The following CALN1 variants were observed in gnomAD, a reference collection of about 807,000 sequenced individuals.
CALN1 encodes calcium-binding protein 8.
Under a neutral mutation model 30.6 loss-of-function variants are expected in CALN1, and 17 were observed. The observed-to-expected ratio is 0.56, with a 90% CI of 0.38 to 0.83. CALN1 has a LOEUF of 0.83. Among genes scored for constraint, CALN1 ranks in the 40% least tolerant of loss-of-function variants. The pLI, the probability that CALN1 is intolerant of heterozygous loss-of-function variation, is 0.00. For synonymous variants in CALN1, 156 were observed against 131.4 expected (o/e 1.19, Z -1.28); for missense variants, 291 against 354.9 (o/e 0.82, Z 1.45).
At chr7:72,127,780 T>C (rs1330295913) in intron 3 of CALN1, among the ~76,000 whole-genome samples, 9 of 152,126 alleles carry the variant, frequency 5.9e-5, no homozygotes, top group South Asian at 2.1e-4. Context: ...ATTGGTACAA[T>C]TGAACAGTAA....
At chr7:72,016,998 CAAAAAAAA>C (rs754201004) in intron 5 of CALN1, among the ~76,000 whole-genome samples, 3 of 31,962 alleles carry the variant, frequency 9.4e-5, no homozygotes, top group African/African-American at 4.5e-4. Flanking sequence ...ACTAAAAATA[CAAAAAAAA>C]AAAAAAAAAA....
At chr7:71,948,821 T>G (rs1383122984) in intron 5 of CALN1, among the ~76,000 whole-genome samples, 3 of 151,568 alleles carry the variant, frequency 2.0e-5, no homozygotes, top group African/African-American at 7.3e-5. Flanking sequence ...ATGGGATGAC[T>G]GCTTGAACCC....
chr7:72,140,432 C>A (rs1299822893), intron 3 of CALN1, among the ~76,000 whole-genome samples: 6 of 151,870 alleles, frequency 4.0e-5, no homozygotes, highest in Non-Finnish European at 8.8e-5. Context: ...AGAGTCCCAC[C>A]TCCTTCTGCT....
the CALN1 span, among the ~76,000 whole-genome samples, chr7:72,481,713 C>T: frequency 2.0e-5 from 3 of 152,080 alleles, no homozygotes; most frequent in Non-Finnish European, 2.9e-5. Flanking sequence ...TTCTTTAACC[C>T]GTGGGTTTTT....
At chr7:71,937,041 T>C (rs1417085331) in intron 5 of CALN1, among the ~76,000 whole-genome samples, 1 of 152,208 alleles carries the variant, frequency 6.6e-6, no homozygotes, top group Non-Finnish European at 1.5e-5. Flanking sequence ...CAGTCTCAGG[T>C]ATGTCTGTAT....
chr7:71,828,571 G>A (rs1562816927), intron 5 of CALN1, among the ~76,000 whole-genome samples: 1 of 151,846 alleles, frequency 6.6e-6, no homozygotes, highest in Non-Finnish European at 1.5e-5. Context: ...GCAACCATCT[G>A]TCTCTCATCT....
At chr7:71,825,668 C>T (rs1051256997) in intron 5 of CALN1, among the ~76,000 whole-genome samples, 1 of 151,958 alleles carries the variant, frequency 6.6e-6, no homozygotes, top group Admixed American at 6.6e-5. Flanking sequence ...GACAAGACTG[C>T]TTGGGAAGAT....
At chr7:72,244,039 A>T (rs1210813937) in intron 3 of CALN1, among the ~76,000 whole-genome samples, 2 of 152,182 alleles carry the variant, frequency 1.3e-5, no homozygotes, top group Non-Finnish European at 2.9e-5. Context: ...TGGAATGAGG[A>T]CTTTTCTGAA....
At chr7:71,874,097 A>G (rs917028340) in intron 5 of CALN1, among the ~76,000 whole-genome samples, 18 of 152,022 alleles carry the variant, frequency 1.2e-4, no homozygotes, top group African/African-American at 4.3e-4. Flanking sequence ...CAACATGGTG[A>G]CATCCCATCT....
chr7:72,344,082 T>G (rs150401804), intron 2 of CALN1, among the ~76,000 whole-genome samples: 3 of 152,254 alleles, frequency 2.0e-5, no homozygotes, highest in African/African-American at 7.2e-5. Context: ...TCTCACTCTG[T>G]TATCCAGGCT....
chr7:72,123,826 T>C (rs1808560319), intron 3 of CALN1, among the ~76,000 whole-genome samples: 1 of 152,198 alleles, frequency 6.6e-6, no homozygotes, highest in Non-Finnish European at 1.5e-5. Context: ...TGCTTAAAAT[T>C]GCCGACTCTC....
chr7:72,499,597 A>G, the CALN1 span, among the ~76,000 whole-genome samples: 1 of 152,084 alleles, frequency 6.6e-6, no homozygotes, highest in East Asian at 1.9e-4. Flanking sequence ...TCACATGCAG[A>G]CTCATATGCA....
At chr7:71,886,466 T>A (rs548664221) in intron 5 of CALN1, among the ~76,000 whole-genome samples, 1 of 152,328 alleles carries the variant, frequency 6.6e-6, no homozygotes, top group South Asian at 2.1e-4. Flanking sequence ...TGCAAGAGTC[T>A]GCGGTCAATT....
the CALN1 span, among the ~76,000 whole-genome samples, chr7:72,455,737 A>C: frequency 6.6e-6 from 1 of 152,126 alleles, no homozygotes; most frequent in African/African-American, 2.4e-5. Context: ...CTCCTGACCA[A>C]CAGAATGAGC....
At chr7:72,276,633 G>T (rs79972219) in intron 3 of CALN1, among the ~76,000 whole-genome samples, 6,351 of 152,072 alleles carry the variant, frequency 0.042, 191 homozygotes, top group Middle Eastern at 0.075. Context: ...TTATCTCGGG[G>T]GGAGTTCATT....
At chr7:71,907,128 A>G (rs1296498926) in intron 5 of CALN1, among the ~76,000 whole-genome samples, 1 of 152,116 alleles carries the variant, frequency 6.6e-6, no homozygotes, top group Non-Finnish European at 1.5e-5. Flanking sequence ...TGGCCTTTTC[A>G]GCTTTGGATA....
At chr7:72,340,109 A>G (rs1305891642) in intron 2 of CALN1, among the ~76,000 whole-genome samples, 1 of 152,242 alleles carries the variant, frequency 6.6e-6, no homozygotes. Context: ...TTCTTGTTCT[A>G]AATTTCTTCC....
chr7:72,453,995 T>A, the CALN1 span, among the ~76,000 whole-genome samples: 6,570 of 146,430 alleles, frequency 0.045, 360 homozygotes, highest in African/African-American at 0.13. Context: ...AACCAAAAAA[T>A]ATATATATAT....
chr7:71,819,464 A>G (rs35974748), intron 5 of CALN1, among the ~76,000 whole-genome samples: 24,678 of 152,144 alleles, frequency 0.16, 2,926 homozygotes, highest in East Asian at 0.6. Context: ...TTGGCCTCCC[A>G]AAGTGTTGGG....
Sources: allele counts gnomAD v4.1 joint callset (sites outside exome capture counted in the v4.1 genomes callset), GRCh38; gene constraint gnomAD v4.1.1; transcripts MANE v1.5; gene names NCBI Gene and HGNC (gene_info 2026-07-23, HGNC 2026-07-21).